RBFOX1: variants seen among roughly 807,000 people sequenced by gnomAD.
The protein encoded by RBFOX1 is RNA binding fox-1 homolog 1.
RBFOX1 carries 8 observed loss-of-function variants against 57.7 expected under a neutral mutation model. The ratio of observed to expected loss-of-function variants is 0.14; its 90% confidence interval spans 0.08 to 0.25. The LOEUF (loss-of-function observed/expected upper bound fraction) is 0.25, where lower values mean the gene tolerates loss of function less well. Ranked by LOEUF, RBFOX1 falls within the 10% of genes least tolerant of loss-of-function variation. The pLI is 1.00. For missense variants in RBFOX1, 611 were observed against 548.5 expected (o/e 1.11, Z -1.14); for synonymous variants, 326 against 222.4 (o/e 1.47, Z -4.15).
intron 3 of RBFOX1, among the ~76,000 whole-genome samples, chr16:5,762,702 C>T (rs562774751): frequency 6.6e-6 from 1 of 152,038 alleles, no homozygotes; most frequent in Non-Finnish European, 1.5e-5. Flanking sequence ...GGAAAAAAAT[C>T]AAATAATGAT....
Position 7,578,658 on chromosome 16 carries a change from G to A in RBFOX1, c.271-1119G>A, listed in dbSNP as rs145531890. 1.4e-4 allele frequency among the ~76,000 whole-genome samples: 22 copies of A among 152,280 alleles called. No homozygotes were observed. The East Asian group carries it at 4.2e-3, about 29-fold the overall frequency. Reference sequence around the variant, plus strand: ...TTCTAGATTGCTTATAAACAGGTCAGGATGATTCCTCACTCATAAATTTGA... The same window carrying A: ...TTCTAGATTGCTTATAAACAGGTCAAGATGATTCCTCACTCATAAATTTGA... On this transcript the variant is annotated intron_variant, in intron 5 of 15. Coordinates refer to ENST00000550418, the MANE Select transcript of RBFOX1 (RefSeq NM_018723.4).
At chr16:7,136,449 C>T (rs867347006) in intron 4 of RBFOX1, among the ~76,000 whole-genome samples, 8 of 142,256 alleles carry the variant, frequency 5.6e-5, no homozygotes, top group Non-Finnish European at 3.0e-5. Context: ...TTCTGTTATC[C>T]AGGCTGGAGG....
chr16:7,145,552 A>G (rs550329644), intron 4 of RBFOX1, among the ~76,000 whole-genome samples: 25 of 152,056 alleles, frequency 1.6e-4, no homozygotes, highest in Non-Finnish European at 3.1e-4. Context: ...CACTTAAAGC[A>G]AGTGCAGAAC....
At chr16:7,252,036 A>G (rs1019047621) in intron 4 of RBFOX1, among the ~76,000 whole-genome samples, 1 of 152,174 alleles carries the variant, frequency 6.6e-6, no homozygotes, top group East Asian at 1.9e-4. Context: ...TGAGACAGAA[A>G]GTGGAGAAGG....
intron 4 of RBFOX1, among the ~76,000 whole-genome samples, chr16:5,932,394 G>A (rs940292438): frequency 1.8e-4 from 28 of 152,158 alleles, no homozygotes; most frequent in African/African-American, 6.5e-4. Flanking sequence ...CAACGGGAAT[G>A]AATATTGAGG....
chr16:7,081,389 C>T (rs1381296258), intron 4 of RBFOX1, among the ~76,000 whole-genome samples: 1 of 152,126 alleles, frequency 6.6e-6, no homozygotes, highest in Non-Finnish European at 1.5e-5. Flanking sequence ...TCTACTAAAC[C>T]TGTTTGTGTG....
intron 2 of RBFOX1, among the ~76,000 whole-genome samples, chr16:6,612,863 A>ATAATAATAAT (rs756951700): frequency 3.0e-5 from 4 of 132,242 alleles, no homozygotes; most frequent in Non-Finnish European, 6.2e-5. Context: ...AAAAAAAAAA[A>ATAATAATAAT]AATAATAATA....
At chr16:5,544,652 TC>T (rs1185153613) in intron 2 of RBFOX1, among the ~76,000 whole-genome samples, 1 of 152,156 alleles carries the variant, frequency 6.6e-6, no homozygotes, top group African/African-American at 2.4e-5. Flanking sequence ...ACCAGAATGA[TC>T]AGGATAAAAA....
chr16:5,908,705 G>C (rs570417091), intron 4 of RBFOX1, among the ~76,000 whole-genome samples: 1 of 151,968 alleles, frequency 6.6e-6, no homozygotes, highest in Non-Finnish European at 1.5e-5. Context: ...GTTTCAATTC[G>C]ATGCATATAA....
chr16:7,325,151 A>G (rs1292354754), intron 4 of RBFOX1, among the ~76,000 whole-genome samples: 1 of 152,180 alleles, frequency 6.6e-6, no homozygotes, highest in Non-Finnish European at 1.5e-5. Flanking sequence ...TGTTGTCACT[A>G]TGACAACTAT....
intron 1 of RBFOX1, among the ~76,000 whole-genome samples, chr16:5,331,455 G>C (rs884670): frequency 0.87 from 132,086 of 152,238 alleles, 60,444 homozygotes; most frequent in East Asian, 1. Context: ...ATTTAGATGG[G>C]GCTTGGCTGG....
chr16:7,695,259 C>T (rs1014219154), intron 14 of RBFOX1, among the ~76,000 whole-genome samples: 8 of 152,166 alleles, frequency 5.3e-5, no homozygotes, highest in Admixed American at 1.3e-4. Context: ...ACACCCATAT[C>T]CATCAAATGT....
chr16:5,627,493 C>G (rs1489419178), intron 3 of RBFOX1, among the ~76,000 whole-genome samples: 1 of 151,710 alleles, frequency 6.6e-6, no homozygotes, highest in Non-Finnish European at 1.5e-5. Flanking sequence ...GCTTTGAGTA[C>G]AAAGCAATAG....
chr16:5,886,621 C>G (rs975184152), intron 4 of RBFOX1, among the ~76,000 whole-genome samples: 3 of 152,222 alleles, frequency 2.0e-5, no homozygotes, highest in Non-Finnish European at 2.9e-5. Context: ...GGCGCGGTGG[C>G]TCACGCCTGT....
At chr16:7,402,728 C>G (rs554360798) in intron 4 of RBFOX1, among the ~76,000 whole-genome samples, 1 of 152,102 alleles carries the variant, frequency 6.6e-6, no homozygotes, top group Non-Finnish European at 1.5e-5. Flanking sequence ...TTTCATATAA[C>G]GTGACTTTGA....
chr16:5,558,345 T>C (rs991365541), intron 2 of RBFOX1, among the ~76,000 whole-genome samples: 9 of 152,132 alleles, frequency 5.9e-5, no homozygotes, highest in African/African-American at 2.2e-4. Flanking sequence ...GATGCAGCTG[T>C]GGAGGCAGAG....
At chr16:5,353,724 A>C (rs1210928889) in intron 1 of RBFOX1, among the ~76,000 whole-genome samples, 1 of 34,590 alleles carries the variant, frequency 2.9e-5, no homozygotes, top group Non-Finnish European at 1.6e-4. Flanking sequence ...TTTCCCATTG[A>C]GGAAAAAAAA....
At chr16:7,155,458 T>A (rs1047926552) in intron 4 of RBFOX1, among the ~76,000 whole-genome samples, 1 of 151,642 alleles carries the variant, frequency 6.6e-6, no homozygotes, top group African/African-American at 2.4e-5. Context: ...TAGCAAGGCA[T>A]GGTGGTATGC....
chr16:5,610,312 G>A (rs1020198610), intron 3 of RBFOX1: 5 of 152,334 alleles, frequency 3.3e-5, no homozygotes, highest in African/African-American at 7.2e-5. Context: ...CTAGGCCCAT[G>A]TTTTATTCAC....
Sources: gnomAD v4.1 joint callset for allele counts (sites outside exome capture counted in the v4.1 genomes callset) on GRCh38, gnomAD v4.1.1 for gene constraint, MANE v1.5 for transcripts, NCBI Gene and HGNC (gene_info 2026-07-23, HGNC 2026-07-21) for gene names.